The following SNX24 variants were observed in gnomAD, a reference collection of about 807,000 sequenced individuals.
SNX24 encodes sorting nexin-24.
Under a neutral mutation model 28.7 loss-of-function variants are expected in SNX24, and 22 were observed. That is an observed-to-expected ratio of 0.77 (90% confidence interval 0.55 to 1.10). The LOEUF is 1.10. Among genes scored for constraint, SNX24 ranks in the 50% least tolerant of loss-of-function variants. The probability of loss-of-function intolerance (pLI) is 0.00; values close to 1 mark genes in which losing one functional copy is unlikely to be tolerated. For missense variants in SNX24, 221 were observed against 201.1 expected, an observed-to-expected ratio of 1.10 and a Z score of -0.60; for synonymous variants, 69 against 71.5, an observed-to-expected ratio of 0.96 and a Z score of 0.18.
At chr5:123,009,860 C>G (rs1762533608), downstream of SNX24, among the ~76,000 whole-genome samples, 1 of 152,176 alleles carries the variant, frequency 6.6e-6, no homozygotes, top group South Asian at 2.1e-4. Flanking sequence ...GGAGCTACAG[C>G]CTGTGCTGTA....
At chr5:122,858,077 T>A (rs953636451) in intron 1 of SNX24, among the ~76,000 whole-genome samples, 1 of 152,178 alleles carries the variant, frequency 6.6e-6, no homozygotes, top group East Asian at 1.9e-4. Context: ...CTTTATTTAG[T>A]CTTCCTTTGA....
intron 1 of SNX24, among the ~76,000 whole-genome samples, chr5:122,878,588 T>C (rs1052789622): frequency 2.6e-5 from 4 of 152,148 alleles, no homozygotes; most frequent in African/African-American, 9.7e-5. Flanking sequence ...GAGGTGGGAA[T>C]GAAGCTTCCC....
intron 2 of SNX24, among the ~76,000 whole-genome samples, chr5:122,944,261 G>C (rs1759583330): frequency 6.6e-6 from 1 of 152,090 alleles, no homozygotes; most frequent in African/African-American, 2.4e-5. Context: ...CATGGCTTCT[G>C]CATTTTCTGG....
intron 3 of SNX24, among the ~76,000 whole-genome samples, chr5:122,986,348 A>G (rs2150160839): frequency 6.6e-6 from 1 of 152,338 alleles, no homozygotes; most frequent in South Asian, 2.1e-4. Context: ...TTTAAAATCC[A>G]TGGCAGTTAG....
In SNX24 at chr5:122,942,468, ACTTTT is replaced by A. The variant is rs1367519336; in HGVS notation, c.145-3576_145-3572del. ...TCCCCAAGTGTTTCCCGCTTCTTTA[ACTTTT>A]CTTTTCTTTTTCATTCTTTTTATTC... On this transcript the variant is annotated intron_variant, in intron 2 of 6. Transcript: ENST00000261369. Among the ~76,000 whole-genome samples the A allele has an allele frequency of 5.9e-5, 9 of 152,284 alleles. No individual in the cohort carries two copies. The East Asian group carries it at 1.7e-3, about 29-fold the overall frequency.
intron 3 of SNX24, among the ~76,000 whole-genome samples, chr5:122,953,616 A>G (rs30074): frequency 0.72 from 108,724 of 151,918 alleles, 39,632 homozygotes; most frequent in East Asian, 0.99. Context: ...ACATCCCTCC[A>G]TTCTTCAGTA....
At chr5:122,872,788 C>T (rs777242431) in intron 1 of SNX24, among the ~76,000 whole-genome samples, 2 of 151,498 alleles carry the variant, frequency 1.3e-5, no homozygotes, top group East Asian at 1.9e-4. Context: ...TACTGAGGGC[C>T]GACTGTATCA....
downstream of SNX24, among the ~76,000 whole-genome samples, chr5:123,013,184 A>T (rs1451933910): frequency 2.6e-5 from 4 of 152,322 alleles, no homozygotes; most frequent in East Asian, 7.7e-4. Context: ...ATATTCATTC[A>T]TTCAGTTGTT....
At chr5:122,862,871 A>G (rs190562305) in intron 1 of SNX24, among the ~76,000 whole-genome samples, 2 of 152,228 alleles carry the variant, frequency 1.3e-5, no homozygotes, top group Admixed American at 6.5e-5. Flanking sequence ...CTTTGAAACA[A>G]CCTTCCCACT....
chr5:122,864,224 G>A (rs971630174), intron 1 of SNX24, among the ~76,000 whole-genome samples: 1 of 152,148 alleles, frequency 6.6e-6, no homozygotes, highest in Non-Finnish European at 1.5e-5. Context: ...CAACATGTTA[G>A]TTCTGTAGAA....
chr5:122,892,256 ATATT>A (rs1365911771), intron 1 of SNX24, among the ~76,000 whole-genome samples: 5 of 151,986 alleles, frequency 3.3e-5, no homozygotes, highest in African/African-American at 9.6e-5. Flanking sequence ...CATTTTATTT[ATATT>A]TTTTAGTTGA....
chr5:122,919,589 T>G (rs1423593218), intron 1 of SNX24, among the ~76,000 whole-genome samples: 1 of 152,092 alleles, frequency 6.6e-6, no homozygotes, highest in African/African-American at 2.4e-5. Flanking sequence ...TTTTTGCGTT[T>G]CAGAAAGCAT....
At chr5:122,972,554 G>A (rs778589885) in intron 3 of SNX24, among the ~76,000 whole-genome samples, 1 of 152,220 alleles carries the variant, frequency 6.6e-6, no homozygotes, top group African/African-American at 2.4e-5. Context: ...AAAATTGTAA[G>A]ACCAGTGAAT....
At chr5:122,980,706 G>A (rs1197896168) in intron 3 of SNX24, among the ~76,000 whole-genome samples, 1 of 150,248 alleles carries the variant, frequency 6.7e-6, no homozygotes, top group Non-Finnish European at 1.5e-5. Context: ...TACTTACTCT[G>A]TGCCCCTTCC....
At chr5:122,846,576 T>G (rs1754645777) in intron 1 of SNX24, among the ~76,000 whole-genome samples, 1 of 152,222 alleles carries the variant, frequency 6.6e-6, no homozygotes, top group Non-Finnish European at 1.5e-5. Context: ...ACCAGTTACA[T>G]TACTTTGATG....
chr5:122,952,327 A>C (rs967721713), intron 3 of SNX24, among the ~76,000 whole-genome samples: 1 of 152,214 alleles, frequency 6.6e-6, no homozygotes, highest in Non-Finnish European at 1.5e-5. Flanking sequence ...TTTTTAAAAA[A>C]AGAATTTTCT....
intron 1 of SNX24, among the ~76,000 whole-genome samples, chr5:122,876,441 A>C (rs1674010738): frequency 6.6e-6 from 1 of 152,216 alleles, no homozygotes; most frequent in Non-Finnish European, 1.5e-5. Flanking sequence ...AGTTTCATTA[A>C]AAATAGCTGG....
At chr5:122,885,357 C>T (rs1005192147) in intron 1 of SNX24, among the ~76,000 whole-genome samples, 38 of 152,186 alleles carry the variant, frequency 2.5e-4, no homozygotes, top group Non-Finnish European at 4.6e-4. Flanking sequence ...GGGGAGCACA[C>T]TGTTCAATGC....
At chr5:122,920,330 G>C (rs1758378577) in intron 1 of SNX24, among the ~76,000 whole-genome samples, 2 of 152,174 alleles carry the variant, frequency 1.3e-5, no homozygotes, top group African/African-American at 4.8e-5. Flanking sequence ...GTAGAGGATA[G>C]GGTTTTCCTG....
Sources: gnomAD v4.1 joint callset for allele counts (sites outside exome capture counted in the v4.1 genomes callset) on GRCh38, gnomAD v4.1.1 for gene constraint, MANE v1.5 for transcripts, NCBI Gene and HGNC (gene_info 2026-07-23, HGNC 2026-07-21) for gene names.